The following CACNB2 variants were observed in gnomAD, a reference collection of about 807,000 sequenced individuals.
CACNB2 encodes calcium voltage-gated channel auxiliary subunit beta 2.
CACNB2 carries 42 observed loss-of-function variants against 73.3 expected under a neutral mutation model. The observed-to-expected ratio is 0.57, with a 90% CI of 0.45 to 0.74. The LOEUF (loss-of-function observed/expected upper bound fraction) is 0.74, where lower values mean the gene tolerates loss of function less well. CACNB2 is among the 30% of genes least tolerant of loss of function. CACNB2 has a pLI of 0.00. For synonymous variants in CACNB2, 348 were observed against 310.3 expected, an observed-to-expected ratio of 1.12 and a Z score of -1.28; for missense variants, 940 against 853.0, an observed-to-expected ratio of 1.10 and a Z score of -1.27.
At chr10:18,237,032 G>A (rs886111320) in intron 2 of CACNB2, among the ~76,000 whole-genome samples, 2 of 152,204 alleles carry the variant, frequency 1.3e-5, no homozygotes, top group Non-Finnish European at 2.9e-5. Context: ...AAAATAGAAA[G>A]AAAGAGGCTC....
chr10:18,363,718 T>C (rs2042232802), intron 2 of CACNB2, among the ~76,000 whole-genome samples: 1 of 152,072 alleles, frequency 6.6e-6, no homozygotes, highest in Admixed American at 6.6e-5. Context: ...TTGTCTAACA[T>C]ACTCATTATA....
intron 2 of CACNB2, among the ~76,000 whole-genome samples, chr10:18,271,393 CTT>C (rs2038048924): frequency 6.6e-6 from 1 of 152,208 alleles, no homozygotes; most frequent in Non-Finnish European, 1.5e-5. Context: ...CACAAACTAA[CTT>C]TGTTTTAAAA....
rs1387158277 is a variant in CACNB2, at chr10:18,539,254, G to C, written c.1513G>C (p.Asp505His). ...SQGSQGDQRT[D>H]RSAPIRSASQ... ...GGGTTCTCAAGGTGATCAGAGGACT[G>C]ATCGCTCCGCTCCTATCCGTTCTGC... The change falls in exon 14 of 14, where the codon GAT becomes CAT. Residue 505 changes from aspartate (D) to histidine (H), a missense_variant. Coordinates refer to ENST00000324631, the MANE Select transcript of CACNB2 (RefSeq NM_201596.3). The C allele has an allele frequency of 3.7e-6, 6 of 1,614,022 alleles. No homozygotes were observed. The South Asian group carries it at 5.5e-5, about 15-fold the overall frequency.
intron 3 of CACNB2, among the ~76,000 whole-genome samples, chr10:18,414,315 C>T (rs570141916): frequency 6.6e-6 from 1 of 152,312 alleles, no homozygotes; most frequent in African/African-American, 2.4e-5. Flanking sequence ...AGGCTCTTTT[C>T]TGAGTAACAC....
chr10:18,284,587 T>A (rs1009365510), intron 2 of CACNB2, among the ~76,000 whole-genome samples: 1 of 152,184 alleles, frequency 6.6e-6, no homozygotes. Context: ...CTTTCTCCCA[T>A]TCTGTCCCCA....
At chr10:18,206,160 T>G (rs1182866068) in intron 2 of CACNB2, 1 of 152,150 alleles carries the variant, frequency 6.6e-6, no homozygotes, top group East Asian at 1.9e-4. Flanking sequence ...CCCAGTTAAT[T>G]TTTGCATTTT....
At chr10:18,262,908 A>AT (rs1460657823) in intron 2 of CACNB2, among the ~76,000 whole-genome samples, 2 of 152,190 alleles carry the variant, frequency 1.3e-5, no homozygotes, top group African/African-American at 4.8e-5. Context: ...CATAATCTGG[A>AT]TTTTTGAAGT....
chr10:18,159,447 C>G (rs1428686805), intron 2 of CACNB2, among the ~76,000 whole-genome samples: 2 of 152,148 alleles, frequency 1.3e-5, no homozygotes, highest in Non-Finnish European at 2.9e-5. Context: ...TTTTGCTCAC[C>G]AACATATGCT....
At chr10:18,242,801 A>C (rs897467348) in intron 2 of CACNB2, among the ~76,000 whole-genome samples, 22 of 150,488 alleles carry the variant, frequency 1.5e-4, no homozygotes, top group Admixed American at 4.7e-4. Flanking sequence ...TGGCTAACAC[A>C]GTGAAACCCC....
intron 2 of CACNB2, among the ~76,000 whole-genome samples, chr10:18,320,254 T>G (rs1165127487): frequency 6.6e-6 from 1 of 152,218 alleles, no homozygotes; most frequent in East Asian, 1.9e-4. Context: ...TGGAAGCTGT[T>G]TGAGCACAGG....
intron 2 of CACNB2, among the ~76,000 whole-genome samples, chr10:18,184,649 G>GTTTTTTTTTTTTTT (rs201899870): frequency 1.1e-5 from 1 of 87,780 alleles, no homozygotes; most frequent in Non-Finnish European, 2.2e-5. Context: ...CTCAGACTTT[G>GTTTTTTTTTTTTTT]TTTTTTTTTT....
At chr10:18,383,451 G>A (rs1160832432) in intron 2 of CACNB2, among the ~76,000 whole-genome samples, 2 of 152,170 alleles carry the variant, frequency 1.3e-5, no homozygotes, top group Non-Finnish European at 2.9e-5. Context: ...TAGGGTTGTG[G>A]TAGTGGAGTG....
intron 2 of CACNB2, among the ~76,000 whole-genome samples, chr10:18,169,064 C>A (rs530157588): frequency 1.2e-4 from 18 of 151,980 alleles, no homozygotes; most frequent in Non-Finnish European, 5.9e-5. Context: ...GCCTAAATAA[C>A]CTTATTATAC....
chr10:18,288,341 T>TA (rs1224626428), intron 2 of CACNB2, among the ~76,000 whole-genome samples: 1 of 152,194 alleles, frequency 6.6e-6, no homozygotes, highest in East Asian at 1.9e-4. Flanking sequence ...GGTCTAGTCT[T>TA]ACTTTCATAC....
chr10:18,450,246 C>T (rs1346868766), intron 3 of CACNB2, among the ~76,000 whole-genome samples: 1 of 152,202 alleles, frequency 6.6e-6, no homozygotes, highest in Non-Finnish European at 1.5e-5. Context: ...TACTAAATCA[C>T]AGGGTTTGAG....
chr10:18,517,470 C>T (rs944070567), intron 7 of CACNB2, among the ~76,000 whole-genome samples: 1 of 148,822 alleles, frequency 6.7e-6, no homozygotes, highest in Non-Finnish European at 1.5e-5. Flanking sequence ...AGCTCCTCCC[C>T]TCTTATTAAA....
chr10:18,449,417 A>G (rs1431186066), intron 3 of CACNB2, among the ~76,000 whole-genome samples: 5 of 152,092 alleles, frequency 3.3e-5, no homozygotes, highest in Admixed American at 3.3e-4. Flanking sequence ...CACAACAACA[A>G]AAAACAGAGA....
chr10:18,429,101 G>A (rs188081762), intron 3 of CACNB2, among the ~76,000 whole-genome samples: 16 of 152,268 alleles, frequency 1.1e-4, no homozygotes, highest in Non-Finnish European at 1.9e-4. Flanking sequence ...TTCATGAGAA[G>A]ATTTTTGACA....
intron 5 of CACNB2, among the ~76,000 whole-genome samples, chr10:18,503,880 G>A (rs1279919877): frequency 2.0e-5 from 3 of 152,062 alleles, no homozygotes; most frequent in South Asian, 2.1e-4. Context: ...GTGAATCTCT[G>A]GTGGAATGGG....
Sources: allele counts gnomAD v4.1 joint callset (sites outside exome capture counted in the v4.1 genomes callset), GRCh38; gene constraint gnomAD v4.1.1; transcripts MANE v1.5; gene names NCBI Gene and HGNC (gene_info 2026-07-23, HGNC 2026-07-21).